The following PCDH9 variants were observed in gnomAD, a reference collection of about 807,000 sequenced individuals.
PCDH9 encodes the protein protocadherin 9.
A neutral mutation model predicts 70.6 loss-of-function variants in PCDH9; 24 were observed. The observed-to-expected ratio is 0.34, with a 90% CI of 0.25 to 0.48. The LOEUF (loss-of-function observed/expected upper bound fraction) is 0.48. PCDH9 is among the 20% of genes least tolerant of loss of function. The probability of loss-of-function intolerance (pLI) is 0.99; values close to 1 mark genes in which losing one functional copy is unlikely to be tolerated. For synonymous variants in PCDH9, 562 were observed against 558.5 expected (o/e 1.01, Z -0.09); for missense variants, 1,281 against 1,503.6 (o/e 0.85, Z 2.45).
chr13:66,665,109 C>T lies in PCDH9; in HGVS notation c.3139-33698G>A, dbSNP rs201153408. Among the ~76,000 whole-genome samples the T allele has an allele frequency of 2.7e-3, 78 of 29,134 alleles. 1 individual carries two copies. Among genetic ancestry groups the T allele is most frequent in the East Asian group, 9.7e-3 (16 of 1,642 alleles). The allele number at this position is 29,134 out of a possible 152,430, so 19.1% of individuals were successfully genotyped here. A position where few individuals can be genotyped will look rare whatever the true frequency, so the allele number is the denominator to read the frequency against. ...AAGGACTTTTTCTTTCTTTTCTCTC[C>T]TTTTTTTTTTTTTTGAGACGGAGTT... On this transcript the variant is annotated intron_variant, in intron 3 of 4. Coordinates refer to ENST00000377865, the MANE Select transcript of PCDH9 (RefSeq NM_203487.3).
intron 4 of PCDH9, among the ~76,000 whole-genome samples, chr13:66,605,835 A>G (rs2077216225): frequency 6.6e-6 from 1 of 152,040 alleles, no homozygotes. Flanking sequence ...GTAAGACTTC[A>G]TACACCATGT....
chr13:66,841,178 A>G (rs934219593), intron 3 of PCDH9, among the ~76,000 whole-genome samples: 1 of 152,240 alleles, frequency 6.6e-6, no homozygotes, highest in Non-Finnish European at 1.5e-5. Context: ...TTTAAAAGGT[A>G]GCAAAATTTA....
chr13:66,674,678 T>C (rs1349334925), intron 3 of PCDH9, among the ~76,000 whole-genome samples: 1 of 152,114 alleles, frequency 6.6e-6, no homozygotes, highest in Non-Finnish European at 1.5e-5. Flanking sequence ...TCTTATCTAC[T>C]CTATGGCAAT....
At chr13:66,393,356 C>T (rs1418925818) in intron 4 of PCDH9, among the ~76,000 whole-genome samples, 1 of 152,098 alleles carries the variant, frequency 6.6e-6, no homozygotes, top group African/African-American at 2.4e-5. Flanking sequence ...GGCACAGCAC[C>T]ACTGCTAACT....
At chr13:66,817,623 A>G (rs1428381951) in intron 3 of PCDH9, among the ~76,000 whole-genome samples, 1 of 151,968 alleles carries the variant, frequency 6.6e-6, no homozygotes, top group East Asian at 1.9e-4. Flanking sequence ...ATTTTCATTT[A>G]TTTTTATTTA....
intron 4 of PCDH9, among the ~76,000 whole-genome samples, chr13:66,577,078 C>T (rs746210597): frequency 2.0e-5 from 3 of 151,778 alleles, no homozygotes; most frequent in Non-Finnish European, 4.4e-5. Flanking sequence ...GAAAAATAAC[C>T]TGGTATTATA....
At position 66,511,978 on chromosome 13, in the gene PCDH9, T is replaced by C. The variant is rs1352836360; in HGVS notation, c.3340+119232A>G. Among the ~76,000 whole-genome samples, 4 of 152,048 alleles carry C rather than the reference T, an allele frequency of 2.6e-5. No homozygotes were observed. In the East Asian group the frequency reaches 7.7e-4, roughly 29 times the overall value. Reference sequence around the variant, plus strand: ...ACAGCCTAATAAAATAACTAATGAGTTTTACCTATGTTTGATGATGTTTAA... The same window carrying C: ...ACAGCCTAATAAAATAACTAATGAGCTTTACCTATGTTTGATGATGTTTAA... On this transcript the variant is annotated intron_variant, in intron 4 of 4. Coordinates refer to ENST00000377865, the MANE Select transcript of PCDH9 (RefSeq NM_203487.3).
chr13:66,963,470 C>A (rs1385760514), intron 2 of PCDH9, among the ~76,000 whole-genome samples: 1 of 152,112 alleles, frequency 6.6e-6, no homozygotes. Flanking sequence ...AAGTGAATAT[C>A]CAGGAGTTAG....
At chr13:66,698,527 C>T (rs1015617095) in intron 3 of PCDH9, among the ~76,000 whole-genome samples, 4 of 152,168 alleles carry the variant, frequency 2.6e-5, no homozygotes, top group Non-Finnish European at 5.9e-5. Flanking sequence ...CTAATTAGTG[C>T]TACCTTTCTC....
At chr13:66,583,630 T>A (rs2076924683) in intron 4 of PCDH9, among the ~76,000 whole-genome samples, 1 of 151,740 alleles carries the variant, frequency 6.6e-6, no homozygotes, top group Non-Finnish European at 1.5e-5. Flanking sequence ...AAAAAAAGAA[T>A]AAAACTCTTT....
At chr13:66,869,917 C>A (rs2081644411) in intron 3 of PCDH9, among the ~76,000 whole-genome samples, 2 of 152,106 alleles carry the variant, frequency 1.3e-5, no homozygotes, top group Non-Finnish European at 2.9e-5. Flanking sequence ...CCACAGAGAG[C>A]AATCAAAATC....
chr13:66,831,784 T>A (rs2080929637), intron 3 of PCDH9, among the ~76,000 whole-genome samples: 1 of 152,134 alleles, frequency 6.6e-6, no homozygotes, highest in African/African-American at 2.4e-5. Flanking sequence ...ATTTTGGGGT[T>A]ACAATTAGTG....
intron 2 of PCDH9, among the ~76,000 whole-genome samples, chr13:67,088,525 C>A (rs1839113163): frequency 1.3e-5 from 2 of 151,966 alleles, no homozygotes; most frequent in Non-Finnish European, 2.9e-5. Flanking sequence ...AAATCCTAAT[C>A]ATGAGTGAAG....
At chr13:66,876,332 A>T (rs1223886209) in intron 3 of PCDH9, among the ~76,000 whole-genome samples, 1 of 152,178 alleles carries the variant, frequency 6.6e-6, no homozygotes, top group Non-Finnish European at 1.5e-5. Flanking sequence ...TCAGATATTC[A>T]GTTACTGCTG....
intron 4 of PCDH9, among the ~76,000 whole-genome samples, chr13:66,364,018 G>C (rs568647823): frequency 6.6e-5 from 10 of 152,162 alleles, no homozygotes; most frequent in African/African-American, 2.4e-4. Context: ...AGCCGGGTAT[G>C]TTGGCAGGCA....
At chr13:67,198,065 AGTT>A (rs1025280393) in intron 2 of PCDH9, among the ~76,000 whole-genome samples, 20 of 151,690 alleles carry the variant, frequency 1.3e-4, no homozygotes, top group African/African-American at 4.3e-4. Context: ...AATAGAATAT[AGTT>A]GTTCAATGAT....
At chr13:67,016,488 T>G (rs1323000367) in intron 2 of PCDH9, among the ~76,000 whole-genome samples, 1 of 152,314 alleles carries the variant, frequency 6.6e-6, no homozygotes, top group South Asian at 2.1e-4. Context: ...AATAAGTGGA[T>G]TGGCTCAAAG....
intron 4 of PCDH9, among the ~76,000 whole-genome samples, chr13:66,382,425 A>G (rs1179654081): frequency 2.1e-5 from 3 of 139,754 alleles, no homozygotes; most frequent in African/African-American, 6.0e-5. Flanking sequence ...AAGTTGAGTG[A>G]AAAAAAAAAA....
chr13:66,758,313 A>C (rs1406708047), intron 3 of PCDH9, among the ~76,000 whole-genome samples: 1 of 152,042 alleles, frequency 6.6e-6, no homozygotes, highest in Admixed American at 6.6e-5. Context: ...CTAACTATAA[A>C]TATGTATCCT....
Sources: gnomAD v4.1 joint callset for allele counts (sites outside exome capture counted in the v4.1 genomes callset) on GRCh38, gnomAD v4.1.1 for gene constraint, MANE v1.5 for transcripts, NCBI Gene and HGNC (gene_info 2026-07-23, HGNC 2026-07-21) for gene names.